CENPW: variants seen among roughly 807,000 people sequenced by gnomAD.
CENPW encodes centromere protein W, also known as cancer-up-regulated gene 2 protein.
Under a neutral mutation model 11.1 loss-of-function variants are expected in CENPW, and 3 were observed. The ratio of observed to expected loss-of-function variants is 0.27; its 90% CI spans 0.12 to 0.70. CENPW has a LOEUF of 0.70. Ranked by LOEUF, CENPW falls within the 30% of genes least tolerant of loss-of-function variation. CENPW has a pLI of 0.77. For synonymous variants in CENPW, 38 were observed against 42.0 expected, an observed-to-expected ratio of 0.91 and a Z score of 0.37; for missense variants, 100 against 105.6, an observed-to-expected ratio of 0.95 and a Z score of 0.23.
the CENPW span, among the ~76,000 whole-genome samples, chr6:126,437,415 G>C: frequency 6.6e-6 from 1 of 151,882 alleles, no homozygotes; most frequent in African/African-American, 2.4e-5. Context: ...GAAGGCCAAG[G>C]CCATGGCCCT....
At chr6:126,471,707 G>T in the CENPW span, among the ~76,000 whole-genome samples, 1 of 151,954 alleles carries the variant, frequency 6.6e-6, no homozygotes, top group African/African-American at 2.4e-5. Flanking sequence ...TATACAAAAA[G>T]GTACATCCCA....
chr6:126,427,814 G>A, the CENPW span, among the ~76,000 whole-genome samples: 6 of 152,130 alleles, frequency 3.9e-5, no homozygotes, highest in Non-Finnish European at 8.8e-5. Context: ...GAACACATAG[G>A]TGTGTTACAG....
the CENPW span, among the ~76,000 whole-genome samples, chr6:126,365,627 G>C: frequency 2.6e-5 from 4 of 152,114 alleles, no homozygotes; most frequent in Non-Finnish European, 5.9e-5. Flanking sequence ...GATTTGGGTG[G>C]GGACACAGAA....
At chr6:126,397,060 C>T in the CENPW span, among the ~76,000 whole-genome samples, 1 of 152,020 alleles carries the variant, frequency 6.6e-6, no homozygotes, top group Non-Finnish European at 1.5e-5. Context: ...GTTACCTTAT[C>T]TGGTGTCTCA....
the CENPW span, among the ~76,000 whole-genome samples, chr6:126,476,596 C>T: frequency 6.6e-6 from 1 of 151,816 alleles, no homozygotes; most frequent in Non-Finnish European, 1.5e-5. Flanking sequence ...TTGTTAGAAC[C>T]CTATTTCTAT....
the CENPW span, among the ~76,000 whole-genome samples, chr6:126,409,730 A>T: frequency 3.9e-5 from 6 of 152,096 alleles, no homozygotes; most frequent in South Asian, 4.1e-4. Flanking sequence ...TAGTAGCTAC[A>T]CTTGATTGCT....
At chr6:126,455,757 T>C in the CENPW span, among the ~76,000 whole-genome samples, 2 of 151,132 alleles carry the variant, frequency 1.3e-5, no homozygotes, top group Admixed American at 1.3e-4. Context: ...AGCATCCAAA[T>C]AGAAAGAGAA....
the CENPW span, among the ~76,000 whole-genome samples, chr6:126,431,345 CA>C: frequency 6.6e-6 from 1 of 152,118 alleles, no homozygotes; most frequent in Non-Finnish European, 1.5e-5. Flanking sequence ...TACAATTGAA[CA>C]AGTGAAGTAA....
chr6:126,358,216 G>A, the CENPW span, among the ~76,000 whole-genome samples: 1 of 151,704 alleles, frequency 6.6e-6, no homozygotes, highest in African/African-American at 2.4e-5. Context: ...TTCCTAAATT[G>A]CTCTGGTCAG....
At chr6:126,432,066 CAAAAAAA>C in the CENPW span, among the ~76,000 whole-genome samples, 62 of 36,564 alleles carry the variant, frequency 1.7e-3, 2 homozygotes, top group South Asian at 1.5e-3. Context: ...CTCCATCTCA[CAAAAAAA>C]AAAAAAAAAA....
the CENPW span, among the ~76,000 whole-genome samples, chr6:126,372,000 T>C: frequency 6.6e-6 from 1 of 151,956 alleles, no homozygotes; most frequent in African/African-American, 2.4e-5. Context: ...AATCTCACAG[T>C]GGTCTATCAT....
At chr6:126,420,328 G>A in the CENPW span, among the ~76,000 whole-genome samples, 1 of 152,112 alleles carries the variant, frequency 6.6e-6, no homozygotes, top group Non-Finnish European at 1.5e-5. Flanking sequence ...AGGATTTACT[G>A]AACTAGGGTA....
the CENPW span, among the ~76,000 whole-genome samples, chr6:126,434,619 C>G: frequency 6.6e-6 from 1 of 151,954 alleles, no homozygotes; most frequent in Non-Finnish European, 1.5e-5. Context: ...CACCTTATAG[C>G]TACTCTGTTT....
At chr6:126,355,243 G>C in the CENPW span, among the ~76,000 whole-genome samples, 1 of 152,030 alleles carries the variant, frequency 6.6e-6, no homozygotes, top group Admixed American at 6.6e-5. Flanking sequence ...AAACTCATTA[G>C]TTTTGTTTTT....
chr6:126,391,191 T>C, the CENPW span, among the ~76,000 whole-genome samples: 1 of 152,038 alleles, frequency 6.6e-6, no homozygotes, highest in Non-Finnish European at 1.5e-5. Context: ...TATATCCCTT[T>C]GTAGTTTTCA....
At chr6:126,416,881 T>C in the CENPW span, among the ~76,000 whole-genome samples, 1 of 152,130 alleles carries the variant, frequency 6.6e-6, no homozygotes, top group Non-Finnish European at 1.5e-5. Context: ...AAATATGGGG[T>C]TGGAGCCCAC....
the CENPW span, among the ~76,000 whole-genome samples, chr6:126,473,935 T>C: frequency 6.8e-6 from 1 of 148,008 alleles, no homozygotes; most frequent in East Asian, 2.0e-4. Context: ...ATAGAATATA[T>C]ATAGAATGTA....
chr6:126,474,222 C>A, the CENPW span, among the ~76,000 whole-genome samples: 2 of 151,862 alleles, frequency 1.3e-5, no homozygotes, highest in African/African-American at 4.8e-5. Context: ...GGGAACAAGG[C>A]AAAGATGCCC....
At chr6:126,375,130 A>G in the CENPW span, among the ~76,000 whole-genome samples, 3 of 152,196 alleles carry the variant, frequency 2.0e-5, no homozygotes, top group Non-Finnish European at 4.4e-5. Flanking sequence ...GATCTCCAAT[A>G]TGAGAAGCCA....
Sources: allele counts gnomAD v4.1 joint callset (sites outside exome capture counted in the v4.1 genomes callset), GRCh38; gene constraint gnomAD v4.1.1; transcripts MANE v1.5; gene names NCBI Gene and HGNC (gene_info 2026-07-23, HGNC 2026-07-21).